PSD3: variants seen among roughly 807,000 people sequenced by gnomAD.
PSD3 encodes PH and SEC7 domain-containing protein 3.
PSD3 carries 49 observed loss-of-function variants against 105.5 expected under a neutral mutation model. That is an observed-to-expected ratio of 0.46 (90% CI 0.37 to 0.59). The LOEUF (loss-of-function observed/expected upper bound fraction) is 0.59. Among genes scored for constraint, PSD3 ranks in the 20% least tolerant of loss-of-function variants. The pLI, the probability that PSD3 is intolerant of heterozygous loss-of-function variation, is 0.00. For missense variants in PSD3, 1,561 were observed against 1,263.8 expected (o/e 1.24, Z -3.57); for synonymous variants, 557 against 457.8 (o/e 1.22, Z -2.77).
intron 4 of PSD3, among the ~76,000 whole-genome samples, chr8:18,837,973 G>C (rs1814262648): frequency 6.6e-6 from 1 of 152,092 alleles, no homozygotes; most frequent in South Asian, 2.1e-4. Flanking sequence ...AGTCACTCTG[G>C]GATGAAATGA....
chr8:18,978,882 C>T (rs555690701), intron 1 of PSD3, among the ~76,000 whole-genome samples: 1 of 152,220 alleles, frequency 6.6e-6, no homozygotes, highest in South Asian at 2.1e-4. Flanking sequence ...CATTCCCACC[C>T]CCTTATCACT....
chr8:18,994,223 C>T (rs938184257), intron 1 of PSD3, among the ~76,000 whole-genome samples: 16 of 142,946 alleles, frequency 1.1e-4, no homozygotes. Flanking sequence ...AAGTCTCAGA[C>T]ATTTTCAATT....
chr8:18,694,147 C>T (rs1006741346), intron 9 of PSD3, among the ~76,000 whole-genome samples: 1 of 152,202 alleles, frequency 6.6e-6, no homozygotes, highest in Non-Finnish European at 1.5e-5. Context: ...AAGCCTGAGG[C>T]ACCACACAGT....
chr8:18,849,913 G>A (rs1180088527), intron 4 of PSD3, among the ~76,000 whole-genome samples: 1 of 152,310 alleles, frequency 6.6e-6, no homozygotes, highest in East Asian at 1.9e-4. Context: ...GCCAGTGACT[G>A]TTTCCCACCA....
At chr8:18,831,047 C>G (rs188952665) in intron 4 of PSD3, among the ~76,000 whole-genome samples, 10 of 152,316 alleles carry the variant, frequency 6.6e-5, no homozygotes, top group Admixed American at 2.6e-4. Flanking sequence ...ACTTGTGACA[C>G]CGACCACCTT....
chr8:18,955,375 G>C (rs1823502522), intron 1 of PSD3, among the ~76,000 whole-genome samples: 1 of 151,946 alleles, frequency 6.6e-6, no homozygotes, highest in South Asian at 2.1e-4. Flanking sequence ...TGAGTAGCTG[G>C]GACTATAGGC....
In PSD3 at chr8:18,872,090, C is replaced by T. The variant is rs1340351436; in HGVS notation, c.774G>A (p.Val258=). 6.2e-7 allele frequency: 1 copy of T among 1,614,134 alleles called. No homozygotes were observed. Among genetic ancestry groups the T allele is most frequent in the Admixed American group, 1.7e-5 (1 of 60,026 alleles). ...CPLASLGSSA[V]TCHSAGSVGF... The stretch of plus-strand genomic sequence containing the variant: ...CAACACTGCCTGCAGAGTGGCAGGT[C>T]ACTGCTGAGCTCCCGAGGGAGGCCA... The change falls in exon 3 of 16, where the codon GTG becomes GTA. Residue 258 remains valine (V), a synonymous_variant. Coordinates refer to ENST00000327040, the MANE Select transcript of PSD3 (RefSeq NM_015310.4).
chr8:18,534,125 T>C lies in PSD3; in HGVS notation c.*1618A>G, dbSNP rs959782107. The C allele has an allele frequency of 6.6e-6, 1 of 152,292 alleles. No individual in the cohort carries two copies. The highest frequency in any genetic ancestry group is 1.5e-5 in the Non-Finnish European group (1 of 68,042). The allele number at this position is 152,292 out of a possible 1,614,324, so 9.4% of individuals were successfully genotyped here. ...CACTACCATGGCTTTACAGCAGGTT[T>C]TCTCTAATTCACTGGAACCATGCTA... On this transcript the variant is annotated 3_prime_UTR_variant, in exon 16 of 16. Coordinates refer to ENST00000327040, the MANE Select transcript of PSD3 (RefSeq NM_015310.4).
intron 15 of PSD3, among the ~76,000 whole-genome samples, chr8:18,547,718 CAAG>C (rs950818710): frequency 6.6e-6 from 1 of 152,176 alleles, no homozygotes; most frequent in African/African-American, 2.4e-5. Flanking sequence ...TTCCTGCTTT[CAAG>C]ATTCTCTATG....
intron 8 of PSD3, among the ~76,000 whole-genome samples, chr8:18,785,593 G>A (rs1404758145): frequency 6.6e-6 from 1 of 152,098 alleles, no homozygotes; most frequent in East Asian, 1.9e-4. Context: ...TGTGATCACC[G>A]GAATGGCACT....
intron 11 of PSD3, among the ~76,000 whole-genome samples, chr8:18,613,344 G>C (rs142559866): frequency 3.2e-4 from 48 of 152,230 alleles, no homozygotes; most frequent in Admixed American, 8.5e-4. Flanking sequence ...CTGTTTGCAG[G>C]GGGGAGGAGC....
rs28590641 is a variant in PSD3 at position 18,602,844 on chromosome 8, G to C, written c.2411-2410C>G. Among the ~76,000 whole-genome samples the C allele has an allele frequency of 8.9e-3, 1,354 of 152,274 alleles. 29 individuals carry two copies. The highest frequency in any genetic ancestry group is 0.03 in the African/African-American group (1,265 of 41,528). On this transcript the variant is annotated intron_variant, in intron 11 of 15. Coordinates refer to ENST00000327040, the MANE Select transcript of PSD3 (RefSeq NM_015310.4). The stretch of plus-strand genomic sequence containing the variant: ...TGAGGCTCTTCAAGCAAAACACAAT[G>C]AGCTGGATGCTAATGAATGACAAGC...
intron 1 of PSD3, among the ~76,000 whole-genome samples, chr8:18,988,228 T>C (rs1825609287): frequency 1.3e-5 from 2 of 152,114 alleles, no homozygotes; most frequent in Admixed American, 1.3e-4. Flanking sequence ...GTGAGTCCTT[T>C]GCAAAGATTT....
intron 12 of PSD3, among the ~76,000 whole-genome samples, chr8:18,595,721 T>C (rs950427733): frequency 1.3e-5 from 2 of 152,094 alleles, no homozygotes; most frequent in African/African-American, 4.8e-5. Flanking sequence ...GTTGTAACCA[T>C]TATTAGTACA....
At chr8:19,048,801 T>C (rs929733123) in intron 1 of PSD3, among the ~76,000 whole-genome samples, 4 of 152,242 alleles carry the variant, frequency 2.6e-5, no homozygotes, top group Non-Finnish European at 4.4e-5. Flanking sequence ...AGGTTCTGTA[T>C]TTGTTTGCTA....
chr8:18,705,874 G>C (rs961395197), intron 9 of PSD3, among the ~76,000 whole-genome samples: 21 of 152,078 alleles, frequency 1.4e-4, no homozygotes, highest in Admixed American at 1.4e-3. Context: ...TGTGGAAAAA[G>C]AATATTTGTG....
At chr8:18,955,407 T>C (rs946760474) in intron 1 of PSD3, among the ~76,000 whole-genome samples, 6 of 152,214 alleles carry the variant, frequency 3.9e-5, no homozygotes, top group African/African-American at 1.4e-4. Flanking sequence ...CCTGTCTTTG[T>C]CTATTTTAAT....
At chr8:18,671,667 T>C (rs776146643) in intron 9 of PSD3, among the ~76,000 whole-genome samples, 44 of 152,098 alleles carry the variant, frequency 2.9e-4, no homozygotes, top group Admixed American at 1.3e-3. Flanking sequence ...GAGTCTCGCT[T>C]TGTCGCCCAG....
intron 10 of PSD3, among the ~76,000 whole-genome samples, chr8:18,649,458 T>C (rs1405256490): frequency 1.3e-5 from 2 of 152,352 alleles, no homozygotes; most frequent in East Asian, 1.9e-4. Flanking sequence ...ATTTAGCCAA[T>C]GCCTGTACCC....
Sources: allele counts gnomAD v4.1 joint callset (sites outside exome capture counted in the v4.1 genomes callset), GRCh38; gene constraint gnomAD v4.1.1; transcripts MANE v1.5; gene names NCBI Gene and HGNC (gene_info 2026-07-23, HGNC 2026-07-21).